Variants in ABLIM1 observed in about 807,000 individuals in gnomAD.
ABLIM1 encodes actin-binding LIM protein 1.
A neutral mutation model predicts 107.0 loss-of-function variants in ABLIM1; 40 were observed. The observed-to-expected ratio is 0.37, with a 90% CI of 0.29 to 0.49. The LOEUF is 0.49. Among genes scored for constraint, ABLIM1 ranks in the 20% least tolerant of loss-of-function variants. The pLI is 0.97. For missense variants in ABLIM1, 857 were observed against 1,008.5 expected, an observed-to-expected ratio of 0.85 and a Z score of 2.04; for synonymous variants, 357 against 357.3, an observed-to-expected ratio of 1.00 and a Z score of 0.01.
intron 6 of ABLIM1, among the ~76,000 whole-genome samples, chr10:114,495,949 T>C (rs2059610202): frequency 6.6e-6 from 1 of 152,218 alleles, no homozygotes; most frequent in African/African-American, 2.4e-5. Context: ...CTCACAATGA[T>C]ACTGGTGTGA....
At chr10:114,681,065 G>A (rs556834893) in intron 1 of ABLIM1, among the ~76,000 whole-genome samples, 2 of 152,320 alleles carry the variant, frequency 1.3e-5, no homozygotes, top group South Asian at 4.1e-4. Flanking sequence ...GGGGCCAAGA[G>A]CCACAATCAG....
At chr10:114,547,096 A>T (rs908009504) in intron 5 of ABLIM1, among the ~76,000 whole-genome samples, 2 of 151,740 alleles carry the variant, frequency 1.3e-5, no homozygotes, top group South Asian at 2.1e-4. Context: ...CAGCAGGAAA[A>T]TTTTTTTTAA....
chr10:114,685,875 T>C (rs970175917), upstream of ABLIM1, among the ~76,000 whole-genome samples: 2 of 152,356 alleles, frequency 1.3e-5, no homozygotes, highest in African/African-American at 4.8e-5. Flanking sequence ...TTCTTTATTC[T>C]TGTTAGCCTG....
chr10:114,590,085 T>C (rs1479323915), intron 2 of ABLIM1, among the ~76,000 whole-genome samples: 1 of 152,194 alleles, frequency 6.6e-6, no homozygotes, highest in Non-Finnish European at 1.5e-5. Flanking sequence ...ATACTTACCA[T>C]TGGGTTACAA....
At chr10:114,642,992 A>G (rs147990297) in intron 1 of ABLIM1, among the ~76,000 whole-genome samples, 38 of 152,354 alleles carry the variant, frequency 2.5e-4, no homozygotes, top group Non-Finnish European at 4.9e-4. Flanking sequence ...GTTCAGAGAT[A>G]AGGGCAATGG....
At position 114,536,271 on chromosome 10, in the gene ABLIM1, G is replaced by A. The variant is rs1156835246; in HGVS notation, c.894+8734C>T. ...TTTTTTTTTTTTTTTTTTTGAGATGGAGTCTCACTCTTGTCGCCCAGGCTG... is the reference window on the plus strand; with the variant it reads ...TTTTTTTTTTTTTTTTTTTGAGATGAAGTCTCACTCTTGTCGCCCAGGCTG... On this transcript the variant is annotated intron_variant, in intron 6 of 22. Coordinates refer to ENST00000533213, the MANE Select transcript of ABLIM1 (RefSeq NM_002313.7). 4.2e-5 allele frequency among the ~76,000 whole-genome samples: 4 copies of A among 95,282 alleles called. No homozygotes were observed. The East Asian group carries it at 1.4e-3, about 34-fold the overall frequency. The allele number at this position is 95,282 out of a possible 152,430, so 62.5% of individuals were successfully genotyped here. A position where few individuals can be genotyped will look rare whatever the true frequency, so the allele number is the denominator to read the frequency against.
At chr10:114,582,711 C>A (rs1207297291) in intron 2 of ABLIM1, among the ~76,000 whole-genome samples, 1 of 152,020 alleles carries the variant, frequency 6.6e-6, no homozygotes, top group African/African-American at 2.4e-5. Context: ...AAGTTACATA[C>A]CTACTACCAG....
chr10:114,770,146 A>C (rs534571956), upstream of ABLIM1, among the ~76,000 whole-genome samples: 1 of 152,296 alleles, frequency 6.6e-6, no homozygotes, highest in East Asian at 1.9e-4. Flanking sequence ...ATGTTCTACT[A>C]TGAGGTTATT....
rs562167777 is a variant in ABLIM1, at chr10:114,559,615, C to T, written c.673+11682G>A. On this transcript the variant is annotated intron_variant, in intron 4 of 22. Transcript: ENST00000533213. ...ACCACCCACCTAGCACATGGCTCTA[C>T]CAGTGCTTCCCTGTGGGCTTAGAGC... Among the ~76,000 whole-genome samples, 3 of 152,278 alleles carry T rather than the reference C, an allele frequency of 2.0e-5. No homozygotes were observed. The East Asian group carries it at 5.8e-4, about 29-fold the overall frequency.
intron 1 of ABLIM1, among the ~76,000 whole-genome samples, chr10:114,746,882 G>T (rs527753807): frequency 6.6e-6 from 1 of 152,002 alleles, no homozygotes; most frequent in African/African-American, 2.4e-5. Flanking sequence ...ATCCTTTACC[G>T]ATTTCTTAAT....
At chr10:114,518,070 A>G (rs2063172446) in intron 6 of ABLIM1, among the ~76,000 whole-genome samples, 1 of 152,156 alleles carries the variant, frequency 6.6e-6, no homozygotes, top group East Asian at 1.9e-4. Flanking sequence ...AAGCATCAAC[A>G]CTGAGTTACT....
chr10:114,482,738 G>A (rs1187625108), intron 8 of ABLIM1, among the ~76,000 whole-genome samples: 1 of 152,134 alleles, frequency 6.6e-6, no homozygotes, highest in African/African-American at 2.4e-5. Flanking sequence ...CAACAAGATA[G>A]GAGGAGAGAA....
chr10:114,460,326 C>T (rs943632458), intron 12 of ABLIM1, among the ~76,000 whole-genome samples: 6 of 148,974 alleles, frequency 4.0e-5, no homozygotes, highest in African/African-American at 1.6e-4. Context: ...TAAGGTCGGG[C>T]GCGGTGGCTC....
chr10:114,582,235 A>C (rs1159809971), intron 2 of ABLIM1, among the ~76,000 whole-genome samples: 1 of 152,152 alleles, frequency 6.6e-6, no homozygotes, highest in East Asian at 1.9e-4. Flanking sequence ...TCAAGCTGAG[A>C]GCCAAGTCAA....
the ABLIM1 span, among the ~76,000 whole-genome samples, chr10:114,797,187 A>G: frequency 7.9e-4 from 120 of 152,290 alleles, 2 homozygotes; most frequent in African/African-American, 2.6e-3. Context: ...TACTTTCTCC[A>G]TATCAACTCC....
At chr10:114,674,501 G>C (rs2080395302) in intron 1 of ABLIM1, among the ~76,000 whole-genome samples, 1 of 152,136 alleles carries the variant, frequency 6.6e-6, no homozygotes, top group Non-Finnish European at 1.5e-5. Context: ...TCAAGCTCTG[G>C]CTCCGCTATT....
chr10:114,799,929 C>T, the ABLIM1 span, among the ~76,000 whole-genome samples: 1 of 152,182 alleles, frequency 6.6e-6, no homozygotes, highest in Middle Eastern at 3.2e-3. Context: ...GCATCAGCCA[C>T]CACACCAGAC....
chr10:114,639,955 C>T (rs1216080690), intron 1 of ABLIM1, among the ~76,000 whole-genome samples: 6 of 152,192 alleles, frequency 3.9e-5, no homozygotes, highest in Non-Finnish European at 7.3e-5. Context: ...ATATCCATAA[C>T]TGAGTCACAT....
chr10:114,632,052 C>A, intron 1 of ABLIM1: 1 of 1,241,070 alleles, frequency 8.1e-7, no homozygotes, highest in Non-Finnish European at 1.0e-6. Flanking sequence ...CTTGTGAGGT[C>A]CGGGGCTGTG....
Sources: gnomAD v4.1 joint callset for allele counts (sites outside exome capture counted in the v4.1 genomes callset) on GRCh38, gnomAD v4.1.1 for gene constraint, MANE v1.5 for transcripts, NCBI Gene and HGNC (gene_info 2026-07-23, HGNC 2026-07-21) for gene names.